ZNF469: variants seen among roughly 807,000 people sequenced by gnomAD.
ZNF469 encodes the protein zinc finger protein 469.
Under a neutral mutation model 1.0 loss-of-function variants are expected in ZNF469, and 1 was observed. The observed-to-expected ratio is 1.00, with a 90% CI of 0.35 to 4.73. ZNF469 has a LOEUF of 4.73. Among genes scored for constraint, ZNF469 ranks in the 30% most tolerant of loss-of-function variants. The pLI is 0.16. For missense variants in ZNF469, 6,100 were observed against 5,356.3 expected (o/e 1.14, Z -4.33); for synonymous variants, 2,703 against 2,363.4 (o/e 1.14, Z -4.17).
the ZNF469 span, among the ~76,000 whole-genome samples, chr16:88,109,895 CT>C: frequency 2.0e-5 from 3 of 152,246 alleles, no homozygotes; most frequent in African/African-American, 7.2e-5. Context: ...CCTTTGGCCC[CT>C]GGGCACATGA....
At chr16:88,219,912 C>A in the ZNF469 span, among the ~76,000 whole-genome samples, 1 of 152,178 alleles carries the variant, frequency 6.6e-6, no homozygotes, top group Non-Finnish European at 1.5e-5. Context: ...GTGCCCACAA[C>A]TGGCAGATGC....
the ZNF469 span, among the ~76,000 whole-genome samples, chr16:88,154,829 G>T: frequency 6.6e-6 from 1 of 152,194 alleles, no homozygotes; most frequent in Non-Finnish European, 1.5e-5. Flanking sequence ...GGCACGGACG[G>T]GATTTAAGCC....
the ZNF469 span, among the ~76,000 whole-genome samples, chr16:88,156,601 G>T: frequency 6.6e-6 from 1 of 152,336 alleles, no homozygotes; most frequent in South Asian, 2.1e-4. Flanking sequence ...ATTAATACCT[G>T]CATCATATTG....
chr16:88,280,139 G>A, the ZNF469 span, among the ~76,000 whole-genome samples: 1 of 151,842 alleles, frequency 6.6e-6, no homozygotes, highest in Non-Finnish European at 1.5e-5. Context: ...CGCTCGGTCA[G>A]TACTGTGTAG....
At position 88,430,900 on chromosome 16, in the gene ZNF469, CAGG is replaced by C; in HGVS notation, c.3432_3434del (p.Glu1145del). On this transcript the variant is annotated inframe_deletion, in exon 3 of 3. Transcript: ENST00000565624. The stretch of plus-strand genomic sequence containing the variant: ...ACAGAAACCCCGGAAGGCGGCGAGG[CAGG>C]AAGCCGGCGGGGACGGAGCCCCCGC... 3.3e-6 allele frequency: 5 copies of C among 1,537,568 alleles called. No homozygotes were observed. Among genetic ancestry groups the C allele is most frequent in the Middle Eastern group, 3.6e-4 (2 of 5,526 alleles).
chr16:88,357,319 A>C, the ZNF469 span, among the ~76,000 whole-genome samples: 1 of 152,222 alleles, frequency 6.6e-6, no homozygotes, highest in East Asian at 1.9e-4. Flanking sequence ...CTGTCACTGC[A>C]GCGTGGTGCC....
the ZNF469 span, among the ~76,000 whole-genome samples, chr16:88,110,449 A>G: frequency 6.6e-6 from 1 of 152,224 alleles, no homozygotes; most frequent in African/African-American, 2.4e-5. Context: ...GGTGTCGCTG[A>G]GTGCCTGGTT....
intron 1 of ZNF469, among the ~76,000 whole-genome samples, chr16:88,412,343 C>T (rs942771043): frequency 2.0e-5 from 3 of 152,084 alleles, no homozygotes; most frequent in Non-Finnish European, 2.9e-5. Context: ...GCAGGCACCT[C>T]GCTTAACCTC....
At chr16:88,316,793 C>A in the ZNF469 span, among the ~76,000 whole-genome samples, 1 of 151,958 alleles carries the variant, frequency 6.6e-6, no homozygotes, top group Non-Finnish European at 1.5e-5. Context: ...GTGATCCACC[C>A]GCCTCAGCCT....
chr16:88,439,162 G>C lies in ZNF469; in HGVS notation c.11692G>C (p.Gly3898Arg). ...KDRLGKAFPQ[G>R]RPLLRPPKRG... ...CAGACTGGGCAAGGCCTTCCCCCAG[G>C]GGAGACCCCTGCTCAGGCCCCCCAA... The change falls in exon 3 of 3, where the codon GGG becomes CGG. Residue 3898 changes from glycine (G) to arginine (R), a missense_variant. Physicochemically the swap from Gly to Arg is moderately radical, Grantham distance 125. Coordinates refer to ENST00000565624, the MANE Select transcript of ZNF469 (RefSeq NM_001367624.2). The C allele has an allele frequency of 1.3e-6, 2 of 1,550,568 alleles. No individual in the cohort carries two copies. The highest frequency in any genetic ancestry group is 8.7e-7 in the Non-Finnish European group (1 of 1,146,968).
chr16:88,329,099 C>T, the ZNF469 span, among the ~76,000 whole-genome samples: 449 of 152,260 alleles, frequency 2.9e-3, 4 homozygotes, highest in African/African-American at 0.01. Context: ...ATGTGCTGAC[C>T]GGGAGCTCTG....
At chr16:88,176,269 C>A in the ZNF469 span, among the ~76,000 whole-genome samples, 3 of 150,142 alleles carry the variant, frequency 2.0e-5, no homozygotes, top group Non-Finnish European at 4.4e-5. Context: ...CTGCTCTCCA[C>A]CCTGGGATGC....
the ZNF469 span, among the ~76,000 whole-genome samples, chr16:88,158,615 C>G: frequency 2.7e-4 from 41 of 152,352 alleles, no homozygotes; most frequent in African/African-American, 9.1e-4. Flanking sequence ...GAAGCCCACT[C>G]TCAGCAGGAG....
the ZNF469 span, among the ~76,000 whole-genome samples, chr16:88,136,566 A>T: frequency 6.6e-6 from 1 of 152,248 alleles, no homozygotes; most frequent in Non-Finnish European, 1.5e-5. Flanking sequence ...TGTGCCCTTC[A>T]CAAATAAACC....
the ZNF469 span, among the ~76,000 whole-genome samples, chr16:88,332,349 G>C: frequency 6.6e-6 from 1 of 152,220 alleles, no homozygotes; most frequent in African/African-American, 2.4e-5. Flanking sequence ...AGCTGGCGCG[G>C]GTGCCTGAGG....
chr16:88,259,451 A>T, the ZNF469 span, among the ~76,000 whole-genome samples: 2 of 152,076 alleles, frequency 1.3e-5, no homozygotes, highest in African/African-American at 4.8e-5. This position sits in a 1 kb window ranked among gnomAD's most constrained non-coding sequence, Gnocchi z 4.1. Context: ...GGGCCTTTGT[A>T]GATGTGGATG....
chr16:88,120,755 A>C, the ZNF469 span, among the ~76,000 whole-genome samples: 1 of 152,180 alleles, frequency 6.6e-6, no homozygotes, highest in Non-Finnish European at 1.5e-5. Flanking sequence ...CACTGGCTGG[A>C]AAATGGAACT....
At chr16:88,386,434 C>A (rs1050754259) in intron 1 of ZNF469, among the ~76,000 whole-genome samples, 8 of 152,176 alleles carry the variant, frequency 5.3e-5, no homozygotes, top group Admixed American at 3.3e-4. Flanking sequence ...ACATCACCCC[C>A]ACCCTCGTGG....
At chr16:88,397,655 G>GATAGATAGAT (rs1904727347) in intron 1 of ZNF469, among the ~76,000 whole-genome samples, 3 of 134,680 alleles carry the variant, frequency 2.2e-5, no homozygotes, top group Admixed American at 1.5e-4. Flanking sequence ...ATATAAATAA[G>GATAGATAGAT]AGATAGATAG....
Sources: gnomAD v4.1 joint callset for allele counts (sites outside exome capture counted in the v4.1 genomes callset) on GRCh38, gnomAD v4.1.1 for gene constraint, Gnocchi (gnomAD v3.1) non-coding constraint, MANE v1.5 for transcripts, NCBI Gene and HGNC (gene_info 2026-07-23, HGNC 2026-07-21) for gene names.